Variants in ITGAV observed in about 807,000 individuals in gnomAD.
ITGAV encodes the protein integrin subunit alpha V.
In ITGAV, 76 loss-of-function variants were observed where a neutral mutation model predicts 143.8. The observed-to-expected ratio is 0.53, with a 90% confidence interval of 0.44 to 0.64. The LOEUF (loss-of-function observed/expected upper bound fraction) is 0.64. Ranked by LOEUF, ITGAV falls within the 30% of genes least tolerant of loss-of-function variation. The probability of loss-of-function intolerance (pLI) is 0.00; values close to 1 mark genes in which losing one functional copy is unlikely to be tolerated. For missense variants in ITGAV, 1,193 were observed against 1,274.7 expected (o/e 0.94, Z 0.98); for synonymous variants, 453 against 446.7 (o/e 1.01, Z -0.18).
intron 23 of ITGAV, 36 bp from the exon 24 acceptor site, chr2:186,667,635 G>T: frequency 8.7e-7 from 1 of 1,146,474 alleles, no homozygotes; most frequent in South Asian, 1.3e-5. Context: ...ATATCATTTT[G>T]ATATTCATGG....
chr2:186,618,782 C>T (rs371688863), intron 2 of ITGAV, among the ~76,000 whole-genome samples: 12 of 152,150 alleles, frequency 7.9e-5, no homozygotes, highest in African/African-American at 2.7e-4. Context: ...CTTAGCATGG[C>T]ATAAAAGCTC....
intron 26 of ITGAV, among the ~76,000 whole-genome samples, chr2:186,674,248 T>G (rs1009410398): frequency 2.0e-5 from 3 of 152,194 alleles, no homozygotes; most frequent in African/African-American, 7.2e-5. Flanking sequence ...AGTGTTGAAG[T>G]TACAGGTGTG....
chr2:186,632,918 G>A (rs937795161), intron 5 of ITGAV, among the ~76,000 whole-genome samples: 2 of 151,884 alleles, frequency 1.3e-5, no homozygotes, highest in Non-Finnish European at 2.9e-5. Flanking sequence ...AAAAGATACA[G>A]TGAAAACCAC....
At chr2:186,607,466 T>C (rs1159337178) in intron 2 of ITGAV, among the ~76,000 whole-genome samples, 1 of 152,180 alleles carries the variant, frequency 6.6e-6, no homozygotes, top group Non-Finnish European at 1.5e-5. Flanking sequence ...GGCATTATTC[T>C]GCCCCTTCCC....
At chr2:186,654,593 TA>T in intron 15 of ITGAV, 56 bp from the exon 16 acceptor site, 1 of 872,070 alleles carries the variant, frequency 1.1e-6, no homozygotes, top group Non-Finnish European at 1.8e-6. Flanking sequence ...TGGGTGATAA[TA>T]AAAATATGTC....
rs1055949633 is a variant in ITGAV at position 186,677,382 on chromosome 2, C to G, written c.*90C>G. 4 of 906,886 alleles carry G rather than the reference C, an allele frequency of 4.4e-6. No homozygotes were observed. In the African/African-American group the frequency reaches 6.7e-5, roughly 15 times the overall value. The allele number at this position is 906,886 out of a possible 1,614,324, so 56.2% of individuals were successfully genotyped here. On this transcript the variant is annotated 3_prime_UTR_variant, in exon 30 of 30. Transcript: ENST00000261023. ...ACTTTCTTCATGAGGAGTAAAAATC[C>G]AAGGCTTTACTGCTGATAGTGCTAA...
At chr2:186,634,038 TATAAA>T (rs1344371612) in intron 6 of ITGAV, among the ~76,000 whole-genome samples, 1 of 151,992 alleles carries the variant, frequency 6.6e-6, no homozygotes. Flanking sequence ...AAAAAATATA[TATAAA>T]ATAAAATAAA....
In ITGAV at chr2:186,590,450, C is replaced by A; in HGVS notation, c.112C>A (p.Pro38Thr). 6.2e-7 allele frequency: 1 copy of A among 1,612,940 alleles called. No homozygotes were observed. The highest frequency in any genetic ancestry group is 8.5e-7 in the Non-Finnish European group (1 of 1,179,672). Residue 38 changes from proline (P) to threonine (T), a missense_variant, in exon 1 of 30, where the codon CCT becomes ACT. Pro to Thr is a conservative substitution (Grantham distance 38). Transcript: ENST00000261023. ...CRAFNLDVDS[P>T]AEYSGPEGSY... is the part of the protein sequence containing the mutation. Reference sequence around the variant, plus strand: ...CGCCTTCAACCTAGACGTGGACAGTCCTGCCGAGTACTCTGGCCCCGAGGG... The same window carrying A: ...CGCCTTCAACCTAGACGTGGACAGTACTGCCGAGTACTCTGGCCCCGAGGG...
At chr2:186,641,963 C>CA (rs1466270323) in intron 12 of ITGAV, among the ~76,000 whole-genome samples, 11 of 152,276 alleles carry the variant, frequency 7.2e-5, no homozygotes, top group African/African-American at 2.4e-4. Context: ...AAAATGCTTC[C>CA]AGGCACATTG....
intron 6 of ITGAV, among the ~76,000 whole-genome samples, chr2:186,634,629 CAG>C (rs1687904323): frequency 6.6e-6 from 1 of 152,054 alleles, no homozygotes; most frequent in Admixed American, 6.6e-5. Flanking sequence ...GCATCACAGA[CAG>C]GGATCAGAAT....
intron 1 of ITGAV, among the ~76,000 whole-genome samples, chr2:186,595,591 C>A (rs1227654869): frequency 6.6e-6 from 1 of 151,828 alleles, no homozygotes. Flanking sequence ...TCCTCTCTCC[C>A]AAACTCAATC....
intron 1 of ITGAV, among the ~76,000 whole-genome samples, chr2:186,595,549 A>G (rs1686728092): frequency 6.7e-6 from 1 of 149,730 alleles, no homozygotes; most frequent in Admixed American, 6.6e-5. Flanking sequence ...CCTTTCCTCT[A>G]TCTCTTTTCT....
intron 26 of ITGAV, among the ~76,000 whole-genome samples, chr2:186,673,277 A>C (rs1042179049): frequency 5.9e-5 from 9 of 152,226 alleles, no homozygotes; most frequent in African/African-American, 2.2e-4. Context: ...GTTGACCTAT[A>C]TGTATATCCT....
At chr2:186,592,027 T>C (rs1686628217) in intron 1 of ITGAV, among the ~76,000 whole-genome samples, 2 of 152,226 alleles carry the variant, frequency 1.3e-5, no homozygotes, top group Admixed American at 1.3e-4. Flanking sequence ...TACTTTCAAG[T>C]GTATACCTTC....
rs1045740664 is a variant in ITGAV at position 186,679,143 on chromosome 2, G to T, written c.*1851G>T. ...TATTTTTATCCTAGGGCCAAGTGTT[G>T]CCTGCCACCAATCAGTAAGTTAGTC... On this transcript the variant is annotated 3_prime_UTR_variant, in exon 30 of 30. Transcript: ENST00000261023. 6.5e-6 allele frequency: 1 copy of T among 152,758 alleles called. No homozygotes were observed. The highest frequency in any genetic ancestry group is 6.5e-5 in the Admixed American group (1 of 15,294). The allele number at this position is 152,758 out of a possible 1,614,324, so 9.5% of individuals were successfully genotyped here.
At chr2:186,636,242 T>C (rs1687944152) in intron 7 of ITGAV, 35 bp downstream of exon 7, 1 of 1,566,854 alleles carries the variant, frequency 6.4e-7, no homozygotes, top group Non-Finnish European at 8.7e-7. Context: ...TTTTTGGAAC[T>C]GTGGTACATA....
intron 3 of ITGAV, 23 bp from the exon 4 acceptor site, chr2:186,625,450 G>T (rs200767171): frequency 6.6e-7 from 1 of 1,506,802 alleles, no homozygotes; most frequent in East Asian, 2.3e-5. Context: ...TCTTCGTGTC[G>T]TGGACTAAAC....
At position 186,641,445 on chromosome 2, in the gene ITGAV, T is replaced by TC; in HGVS notation, c.1018dup (p.Gln340ProfsTer26). The TC allele has an allele frequency of 6.2e-7, 1 of 1,614,156 alleles. No individual in the cohort carries two copies. The highest frequency in any genetic ancestry group is 8.5e-7 in the Non-Finnish European group (1 of 1,180,016). ...ATGGATCGTGGCTCTGATGGCAAACTCCAAGAGGTGGGGCAGGTCTCAGTG... is the reference window on the plus strand; with the variant it reads ...ATGGATCGTGGCTCTGATGGCAAACTCCCAAGAGGTGGGGCAGGTCTCAGTG... On this transcript the variant is annotated frameshift_variant, in exon 12 of 30. Coordinates refer to ENST00000261023, the MANE Select transcript of ITGAV (RefSeq NM_002210.5). LOFTEE classifies it high-confidence loss of function.
chr2:186,633,392 A>T lies in ITGAV; in HGVS notation c.631+18A>T. ...TTGGCAAGGTAGGTTAATATTTTTTAAATTACAATTGGTGACTATGTGTCG... is the reference window on the plus strand; with the variant it reads ...TTGGCAAGGTAGGTTAATATTTTTTTAATTACAATTGGTGACTATGTGTCG... On this transcript the variant is annotated intron_variant, in intron 6 of 29. Transcript: ENST00000261023. 6.7e-7 allele frequency: 1 copy of T among 1,500,314 alleles called. No homozygotes were observed. The highest frequency in any genetic ancestry group is 9.2e-7 in the Non-Finnish European group (1 of 1,085,454). The allele number at this position is 1,500,314 out of a possible 1,614,324, so 92.9% of individuals were successfully genotyped here. A position where few individuals can be genotyped will look rare whatever the true frequency, so the allele number is the denominator to read the frequency against.
Sources: gnomAD v4.1 joint callset for allele counts (sites outside exome capture counted in the v4.1 genomes callset) on GRCh38, gnomAD v4.1.1 for gene constraint, MANE v1.5 for transcripts, NCBI Gene and HGNC (gene_info 2026-07-23, HGNC 2026-07-21) for gene names.